The following UST variants were observed in gnomAD, a reference collection of about 807,000 sequenced individuals.
UST encodes uronyl 2-sulfotransferase, also known as chondroitin sulfate 2-O-sulfotransferase.
Under a neutral mutation model 45.6 loss-of-function variants are expected in UST, and 21 were observed. The observed-to-expected ratio is 0.46, with a 90% CI of 0.33 to 0.66. The LOEUF is 0.66. Ranked by LOEUF, UST falls within the 30% of genes least tolerant of loss-of-function variation. The pLI is 0.02. For missense variants in UST, 463 were observed against 512.4 expected, an observed-to-expected ratio of 0.90 and a Z score of 0.93; for synonymous variants, 215 against 200.6, an observed-to-expected ratio of 1.07 and a Z score of -0.61.
intron 1 of UST, among the ~76,000 whole-genome samples, chr6:148,822,785 G>T (rs540826457): frequency 1.3e-5 from 2 of 152,282 alleles, no homozygotes; most frequent in East Asian, 3.9e-4. Flanking sequence ...TGCATTGAAA[G>T]CAAAAATCTT....
chr6:148,933,074 A>C (rs1460324666), intron 2 of UST, among the ~76,000 whole-genome samples: 1 of 152,240 alleles, frequency 6.6e-6, no homozygotes, highest in East Asian at 1.9e-4. Flanking sequence ...CCAGAGTTTC[A>C]TAACTTTCAG....
chr6:148,819,109 C>T (rs1159692391), intron 1 of UST, among the ~76,000 whole-genome samples: 4 of 152,102 alleles, frequency 2.6e-5, no homozygotes, highest in Non-Finnish European at 5.9e-5. Context: ...GCTCTGTGAG[C>T]GAACTTTGCA....
chr6:148,882,486 CAAAA>C (rs397741900), intron 1 of UST, among the ~76,000 whole-genome samples: 4 of 74,170 alleles, frequency 5.4e-5, no homozygotes, highest in African/African-American at 1.7e-4. Context: ...AACTCCATCT[CAAAA>C]AAAAAAAAAA....
chr6:148,852,797 C>T (rs1778130898), intron 1 of UST, among the ~76,000 whole-genome samples: 1 of 152,124 alleles, frequency 6.6e-6, no homozygotes, highest in East Asian at 1.9e-4. Context: ...CTGGGCTTCC[C>T]TAGCTGCCCA....
chr6:148,911,377 C>T (rs1168367285), intron 2 of UST, among the ~76,000 whole-genome samples: 1 of 152,162 alleles, frequency 6.6e-6, no homozygotes, highest in Non-Finnish European at 1.5e-5. Flanking sequence ...GATCACTTGG[C>T]CCAAGGGAGA....
chr6:148,853,756 G>A (rs1778150622), intron 1 of UST, among the ~76,000 whole-genome samples: 1 of 152,146 alleles, frequency 6.6e-6, no homozygotes, highest in South Asian at 2.1e-4. Context: ...CCGCATGTAT[G>A]TCTTCTTTTG....
chr6:149,058,344 CATGTGTGTGTGTGTGTGT>C lies in UST; in HGVS notation c.938-15488_938-15471del, dbSNP rs1331175985. 9.5e-5 allele frequency among the ~76,000 whole-genome samples: 12 copies of C among 126,760 alleles called. No individual in the cohort carries two copies. The South Asian group carries it at 2.7e-3, about 29-fold the overall frequency. The allele number at this position is 126,760 out of a possible 152,430, so 83.2% of individuals were successfully genotyped here. On this transcript the variant is annotated intron_variant, in intron 7 of 7. Transcript: ENST00000367463. ...GGCCTCCTCCCTGCCAAAGGAGGAG[CATGTGTGTGTGTGTGTGT>C]GTGTGTGTGTGTGTGTGTGTGTGTG...
chr6:148,829,828 A>G (rs575971571), intron 1 of UST, among the ~76,000 whole-genome samples: 2 of 152,244 alleles, frequency 1.3e-5, no homozygotes, highest in East Asian at 1.9e-4. Context: ...ATCATTATGT[A>G]TTTCTCTACT....
At chr6:148,865,410 G>A (rs1778406101) in intron 1 of UST, among the ~76,000 whole-genome samples, 1 of 152,212 alleles carries the variant, frequency 6.6e-6, no homozygotes, top group Non-Finnish European at 1.5e-5. Context: ...TGCATTTTCA[G>A]TGTGGTGTCC....
intron 1 of UST, among the ~76,000 whole-genome samples, chr6:148,809,572 A>G (rs1220368410): frequency 6.6e-6 from 1 of 152,224 alleles, no homozygotes; most frequent in Non-Finnish European, 1.5e-5. Context: ...TATCCTTAGC[A>G]GAAACAGAAC....
chr6:149,042,810 G>C (rs1417206731), intron 7 of UST, among the ~76,000 whole-genome samples: 3 of 151,996 alleles, frequency 2.0e-5, no homozygotes, highest in African/African-American at 7.2e-5. Context: ...ATGTGAGATG[G>C]GGTCTCATTG....
chr6:148,872,569 CTATT>C (rs1408182431), intron 1 of UST, among the ~76,000 whole-genome samples: 1 of 151,006 alleles, frequency 6.6e-6, no homozygotes, highest in African/African-American at 2.5e-5. Context: ...ATTTTCACAA[CTATT>C]AACTTCCTAT....
At chr6:148,816,059 C>T (rs1777348201) in intron 1 of UST, among the ~76,000 whole-genome samples, 1 of 152,230 alleles carries the variant, frequency 6.6e-6, no homozygotes, top group South Asian at 2.1e-4. Flanking sequence ...ACGGCACCCA[C>T]ATTCTGCAAC....
At chr6:148,999,264 A>G (rs1364301319) in intron 5 of UST, among the ~76,000 whole-genome samples, 1 of 152,202 alleles carries the variant, frequency 6.6e-6, no homozygotes, top group African/African-American at 2.4e-5. Context: ...CTTTCATTAG[A>G]CACCCAGACT....
At chr6:148,872,300 T>C in intron 1 of UST, among the ~76,000 whole-genome samples, 1 of 152,166 alleles carries the variant, frequency 6.6e-6, no homozygotes, top group South Asian at 2.1e-4. Flanking sequence ...GAGATGATGG[T>C]GTCTATATGA....
intron 1 of UST, among the ~76,000 whole-genome samples, chr6:148,770,407 C>T (rs575167166): frequency 2.0e-4 from 30 of 150,802 alleles, no homozygotes; most frequent in African/African-American, 2.7e-4. Context: ...TTTGGGCACA[C>T]GAAGCAGTAC....
chr6:148,795,356 G>A lies in UST; in HGVS notation c.247+47679G>A, dbSNP rs371434445. Among the ~76,000 whole-genome samples the A allele has an allele frequency of 1.2e-4, 19 of 152,262 alleles. No individual in the cohort carries two copies. The South Asian group carries it at 3.7e-3, about 30-fold the overall frequency. On this transcript the variant is annotated intron_variant, in intron 1 of 7. Transcript: ENST00000367463. ...GACGGTGAGAGGCCTGTCCTGGCTG[G>A]TTAACTTTAAGGGTGGCCTGGCCTG...
At chr6:148,976,797 T>C (rs1341306599) in intron 5 of UST, among the ~76,000 whole-genome samples, 1 of 152,248 alleles carries the variant, frequency 6.6e-6, no homozygotes, top group Admixed American at 6.5e-5. Context: ...GCAAGTATTG[T>C]TTTCCTAGTT....
intron 1 of UST, among the ~76,000 whole-genome samples, chr6:148,797,440 T>C (rs1447257371): frequency 6.6e-6 from 1 of 152,232 alleles, no homozygotes; most frequent in Non-Finnish European, 1.5e-5. Flanking sequence ...CAAAGAACTG[T>C]GTCAAAAAAC....
Sources: gnomAD v4.1 joint callset for allele counts (sites outside exome capture counted in the v4.1 genomes callset) on GRCh38, gnomAD v4.1.1 for gene constraint, MANE v1.5 for transcripts, NCBI Gene and HGNC (gene_info 2026-07-23, HGNC 2026-07-21) for gene names.